Variants in MYBPC1 observed in about 807,000 individuals in gnomAD.
The protein encoded by MYBPC1 is myosin-binding protein C, slow-type.
MYBPC1 carries 52 observed loss-of-function variants against 147.1 expected under a neutral mutation model. The ratio of observed to expected loss-of-function variants is 0.35; its 90% confidence interval spans 0.28 to 0.45. MYBPC1 has a LOEUF of 0.45. MYBPC1 is among the 20% of genes least tolerant of loss of function. MYBPC1 has a pLI of 1.00. For missense variants in MYBPC1, 1,228 were observed against 1,440.3 expected, an observed-to-expected ratio of 0.85 and a Z score of 2.39; for synonymous variants, 477 against 475.9, an observed-to-expected ratio of 1.00 and a Z score of -0.03.
rs1265508383 is a variant in MYBPC1, at chr12:101,642,530, G to C, written c.777G>C (p.Leu259=). 6.2e-7 allele frequency: 1 copy of C among 1,613,540 alleles called. No individual in the cohort carries two copies. Among genetic ancestry groups the C allele is most frequent in the Non-Finnish European group, 8.5e-7 (1 of 1,179,792 alleles). The part of the protein sequence containing the change: ...KIAFQYGITD[L]RGMLKRLKRM... ...CCTTCCAGTATGGAATCACCGACCT[G>C]CGCGGCATGCTCAAGCGACTCAAGC... The change falls in exon 11 of 32, where the codon CTG becomes CTC. Residue 259 remains leucine, a synonymous_variant. Transcript: ENST00000361466.
At chr12:101,673,795 G>A (rs1899241254) in intron 25 of MYBPC1, among the ~76,000 whole-genome samples, 173 bp downstream of exon 25, 1 of 152,160 alleles carries the variant, frequency 6.6e-6, no homozygotes, top group Non-Finnish European at 1.5e-5. Flanking sequence ...GCTTACACCT[G>A]TAATCCCAGT....
intron 18 of MYBPC1, among the ~76,000 whole-genome samples, chr12:101,655,987 T>C (rs1418290215): frequency 6.6e-6 from 1 of 152,132 alleles, no homozygotes; most frequent in Non-Finnish European, 1.5e-5. Context: ...TATAGTTATA[T>C]TTATGTATTT....
At chr12:101,694,266 C>A in the MYBPC1 span, among the ~76,000 whole-genome samples, 1 of 152,202 alleles carries the variant, frequency 6.6e-6, no homozygotes, top group Non-Finnish European at 1.5e-5. Context: ...ACTTATAATT[C>A]TTTTCCTTTT....
downstream of MYBPC1, among the ~76,000 whole-genome samples, chr12:101,689,677 T>C (rs1317592184): frequency 1.3e-5 from 2 of 152,180 alleles, no homozygotes; most frequent in Admixed American, 6.5e-5. Context: ...GTATTCATCA[T>C]GGAATTATGG....
Position 101,629,419 on chromosome 12 carries a change from C to T in MYBPC1, c.179-15C>T, listed in dbSNP as rs1889346445. On this transcript the variant is annotated splice_polypyrimidine_tract_variant and intron_variant, in intron 5 of 31. Coordinates refer to ENST00000361466, the MANE Select transcript of MYBPC1 (RefSeq NM_002465.4). ...TGGCCCTGAAATAATCCTTTTCCTC[C>T]TTTCTGCTCATCAGACTGGACCCTT... 2.6e-6 allele frequency: 4 copies of T among 1,560,338 alleles called. No individual in the cohort carries two copies. The South Asian group carries it at 4.4e-5, about 17-fold the overall frequency.
chr12:101,666,930 TACAC>T (rs564354596), intron 22 of MYBPC1: 8 of 377,084 alleles, frequency 2.1e-5, no homozygotes, highest in African/African-American at 1.1e-4. Context: ...CACACACACA[TACAC>T]ACACACACAT....
At chr12:101,693,311 C>G in the MYBPC1 span, among the ~76,000 whole-genome samples, 16 of 152,200 alleles carry the variant, frequency 1.1e-4, no homozygotes, top group African/African-American at 3.9e-4. Flanking sequence ...CCATCTATAT[C>G]TATGTAGATA....
At chr12:101,631,814 G>C in intron 7 of MYBPC1, 95 bp downstream of exon 7, 1 of 1,566,516 alleles carries the variant, frequency 6.4e-7, no homozygotes, top group Non-Finnish European at 8.7e-7. Context: ...AGAGACTTCA[G>C]TTCCAGAAAA....
Position 101,595,085 on chromosome 12 carries a change from T to C in MYBPC1, c.15T>C (p.Thr5=), listed in dbSNP as rs1876654275. ...TTATTGTGGCCATGCCAGAACCCAC[T>C]AAGAAAGAGGGTAAGACTTATCTAG... MPEP[T]KKEENEVPAP... Residue 5 remains threonine (T), a synonymous_variant, in exon 1 of 32, where the codon ACT becomes ACC. Coordinates refer to ENST00000361466, the MANE Select transcript of MYBPC1 (RefSeq NM_002465.4). The C allele has an allele frequency of 2.5e-6, 4 of 1,612,612 alleles. No homozygotes were observed. In the South Asian group the frequency reaches 4.4e-5, roughly 18 times the overall value.
chr12:101,619,025 T>C lies in MYBPC1; in HGVS notation c.103+1782T>C, dbSNP rs547703535. Among the ~76,000 whole-genome samples the C allele has an allele frequency of 1.5e-4, 23 of 152,184 alleles. 1 individual carries two copies. The highest frequency in any genetic ancestry group is 9.8e-4 in the Admixed American group (15 of 15,274). Reference sequence around the variant, plus strand: ...AAGAAGGTAAGTGAATGGAAGTTTATAATAAATATACAGTCCTCTTCATCA... The same window carrying C: ...AAGAAGGTAAGTGAATGGAAGTTTACAATAAATATACAGTCCTCTTCATCA... On this transcript the variant is annotated intron_variant, in intron 3 of 31. Transcript: ENST00000361466.
chr12:101,626,937 T>G (rs759923878), intron 4 of MYBPC1, 27 bp downstream of exon 4: 2 of 1,587,060 alleles, frequency 1.3e-6, no homozygotes, highest in African/African-American at 1.3e-5. Flanking sequence ...CCCTTTTCCC[T>G]GCTTTTAAAT....
chr12:101,678,843 T>A (rs1259111871), intron 28 of MYBPC1, among the ~76,000 whole-genome samples: 3 of 152,208 alleles, frequency 2.0e-5, no homozygotes, highest in Non-Finnish European at 4.4e-5. Context: ...GAACTTCTTT[T>A]TTTCCTGTAT....
chr12:101,599,209 G>A (rs1412697433), intron 1 of MYBPC1, among the ~76,000 whole-genome samples: 2 of 152,144 alleles, frequency 1.3e-5, no homozygotes, highest in African/African-American at 2.4e-5. Flanking sequence ...CTTTGTTACT[G>A]CAGATTATTT....
chr12:101,623,617 G>A (rs1249711015), intron 3 of MYBPC1, among the ~76,000 whole-genome samples: 1 of 152,134 alleles, frequency 6.6e-6, no homozygotes, highest in East Asian at 1.9e-4. Flanking sequence ...AATCAAAATG[G>A]TTCAAGCGTC....
intron 22 of MYBPC1, among the ~76,000 whole-genome samples, chr12:101,667,369 T>C (rs969994278): frequency 6.6e-6 from 1 of 152,234 alleles, no homozygotes. Flanking sequence ...TGTGTATAGA[T>C]GACTAGCTAT....
chr12:101,629,833 A>G (rs551254067), intron 6 of MYBPC1, among the ~76,000 whole-genome samples: 1 of 152,158 alleles, frequency 6.6e-6, no homozygotes, highest in East Asian at 1.9e-4. Flanking sequence ...AGATCGCGCC[A>G]CTGCATTCCA....
chr12:101,653,164 A>G lies in MYBPC1; in HGVS notation c.1683A>G (p.Thr561=), dbSNP rs774143123. 1 of 1,614,118 alleles carries G rather than the reference A, an allele frequency of 6.2e-7. No homozygotes were observed. The highest frequency in any genetic ancestry group is 1.1e-5 in the South Asian group (1 of 91,076). The part of the protein sequence containing the change: ...LDGLDADNTV[T]VIAGNKLRLE... ...GTCTTGATGCTGACAACACAGTGAC[A>G]GTGATTGCAGGAAACAAGCTTCGTC... Residue 561 remains threonine, a synonymous_variant, in exon 18 of 32, where the codon ACA becomes ACG. Transcript: ENST00000361466.
chr12:101,675,459 A>G (rs375187344), intron 26 of MYBPC1, 28 bp downstream of exon 26: 6 of 1,613,940 alleles, frequency 3.7e-6, no homozygotes, highest in African/African-American at 1.3e-5. Flanking sequence ...CTGGTTCATC[A>G]GTAGCAAAAG....
At chr12:101,678,394 T>A (rs1235562763) in intron 28 of MYBPC1, among the ~76,000 whole-genome samples, 156 bp downstream of exon 28, 2 of 152,256 alleles carry the variant, frequency 1.3e-5, no homozygotes, top group Non-Finnish European at 2.9e-5. Flanking sequence ...AGGCACACTA[T>A]TCAGATGTAG....
Sources: allele counts gnomAD v4.1 joint callset (sites outside exome capture counted in the v4.1 genomes callset), GRCh38; gene constraint gnomAD v4.1.1; transcripts MANE v1.5; gene names NCBI Gene and HGNC (gene_info 2026-07-23, HGNC 2026-07-21).